Variants in ANKRD11 observed in about 807,000 individuals in gnomAD.
The protein encoded by ANKRD11 is ankyrin repeat domain 11, also known as ankyrin repeat domain-containing protein 11.
In ANKRD11, 17 loss-of-function variants were observed where a neutral mutation model predicts 195.7. The ratio of observed to expected loss-of-function variants is 0.09; its 90% CI spans 0.06 to 0.13. The LOEUF (loss-of-function observed/expected upper bound fraction) is 0.13, where lower values mean the gene tolerates loss of function less well. Ranked by LOEUF, ANKRD11 falls within the 10% of genes least tolerant of loss-of-function variation. The probability of loss-of-function intolerance (pLI) is 1.00; values close to 1 mark genes in which losing one functional copy is unlikely to be tolerated. For missense variants in ANKRD11, 3,735 were observed against 3,566.1 expected, an observed-to-expected ratio of 1.05 and a Z score of -1.21; for synonymous variants, 1,953 against 1,528.1, an observed-to-expected ratio of 1.28 and a Z score of -6.49.
intron 1 of ANKRD11, among the ~76,000 whole-genome samples, chr16:89,423,789 A>G (rs778110877): frequency 1.4e-4 from 22 of 152,246 alleles, no homozygotes; most frequent in Non-Finnish European, 2.5e-4. Flanking sequence ...CAGGCATGAT[A>G]AATCTACGCA....
At chr16:89,270,471 C>T in intron 12 of ANKRD11, 1 of 392,610 alleles carries the variant, frequency 2.5e-6, no homozygotes, top group Non-Finnish European at 4.9e-6. Context: ...ACCGCCCTGG[C>T]CAGCACTTCC....
At chr16:89,408,404 A>C (rs992764879) in intron 2 of ANKRD11, among the ~76,000 whole-genome samples, 112 of 152,370 alleles carry the variant, frequency 7.4e-4, no homozygotes, top group African/African-American at 2.5e-3. Flanking sequence ...TTGCCTGGGC[A>C]GAGGAGGAAG....
intron 1 of ANKRD11, among the ~76,000 whole-genome samples, chr16:89,453,639 G>A (rs966757964): frequency 6.6e-6 from 1 of 152,136 alleles, no homozygotes; most frequent in African/African-American, 2.4e-5. Flanking sequence ...AAAGCACAAA[G>A]CATCTGTTCA....
intron 2 of ANKRD11, among the ~76,000 whole-genome samples, chr16:89,366,338 T>C (rs1322301257): frequency 6.6e-6 from 1 of 152,164 alleles, no homozygotes; most frequent in Admixed American, 6.5e-5. Context: ...CCTCTGGGTA[T>C]ATACCCAGTA....
In ANKRD11 at chr16:89,288,661, G is replaced by A. The variant is rs1464294383; in HGVS notation, c.611C>T (p.Ala204Val). 6.2e-7 allele frequency: 1 copy of A among 1,614,068 alleles called. No homozygotes were observed. The highest frequency in any genetic ancestry group is 1.3e-5 in the African/African-American group (1 of 75,036). ...VNVKDFAGWT[A>V]LHEACNRGYY... ...GCCCCGGTTACAGGCCTCGTGCAGC[G>A]CCGTCCAGCCTGGAAACAGACACTC... The change falls in exon 7 of 13, where the codon GCG becomes GTG. Residue 204 changes from alanine to valine, a missense_variant. By Grantham distance (64) the Ala-to-Val change is moderately conservative (BLOSUM62 0). Transcript: ENST00000301030.
At chr16:89,327,372 G>A (rs976081168) in intron 2 of ANKRD11, among the ~76,000 whole-genome samples, 1 of 152,194 alleles carries the variant, frequency 6.6e-6, no homozygotes, top group Non-Finnish European at 1.5e-5. Context: ...AGAGTGACGT[G>A]CTGAGGGCTG....
intron 2 of ANKRD11, among the ~76,000 whole-genome samples, chr16:89,391,590 C>A (rs951553206): frequency 6.6e-6 from 1 of 152,196 alleles, no homozygotes; most frequent in African/African-American, 2.4e-5. Flanking sequence ...CCTCAGAACC[C>A]CTACTAACTG....
intron 12 of ANKRD11, 97 bp from the exon 13 acceptor site, chr16:89,268,760 C>G (rs560680331): frequency 7.1e-7 from 1 of 1,412,910 alleles, no homozygotes; most frequent in East Asian, 2.5e-5. Context: ...GGGCGTGATA[C>G]GGCCGTGAAC....
chr16:89,323,183 C>T (rs1481256980), intron 2 of ANKRD11: 1 of 607,280 alleles, frequency 1.6e-6, no homozygotes, highest in Non-Finnish European at 2.6e-6. Context: ...GCCTTGTGCA[C>T]ACCTCACAGG....
chr16:89,268,278 G>A lies in ANKRD11; in HGVS notation c.*200C>T, dbSNP rs1436923509. On this transcript the variant is annotated 3_prime_UTR_variant, in exon 13 of 13. Coordinates refer to ENST00000301030, the MANE Select transcript of ANKRD11 (RefSeq NM_013275.6). ...GGGCTTTGCCCCCGCCGCGGCAGCT[G>A]GTAGAGAAGAGACGTGTTTCACCTC... 3.1e-6 allele frequency: 1 copy of A among 326,132 alleles called. No homozygotes were observed. The highest frequency in any genetic ancestry group is 5.4e-6 in the Non-Finnish European group (1 of 185,064). The allele number at this position is 326,132 out of a possible 1,614,324, so 20.2% of individuals were successfully genotyped here.
At chr16:89,398,017 TG>T (rs2041521583) in intron 2 of ANKRD11, among the ~76,000 whole-genome samples, 1 of 152,250 alleles carries the variant, frequency 6.6e-6, no homozygotes, top group African/African-American at 2.4e-5. Flanking sequence ...CCAGTGACAA[TG>T]TAGCACTGTC....
intron 1 of ANKRD11, among the ~76,000 whole-genome samples, chr16:89,461,584 G>A (rs988780171): frequency 9.2e-5 from 14 of 152,032 alleles, no homozygotes; most frequent in African/African-American, 3.1e-4. Flanking sequence ...CACGTTATCT[G>A]CTTCCCTCGG....
chr16:89,343,026 A>C (rs896353708), intron 2 of ANKRD11, among the ~76,000 whole-genome samples: 4 of 152,198 alleles, frequency 2.6e-5, no homozygotes, highest in Non-Finnish European at 4.4e-5. Context: ...AGCGCTTTTT[A>C]AATTTTTATT....
At chr16:89,294,927 G>A (rs72803311) in intron 4 of ANKRD11, among the ~76,000 whole-genome samples, 1 of 152,214 alleles carries the variant, frequency 6.6e-6, no homozygotes, top group Non-Finnish European at 1.5e-5. Context: ...GTAAGAAAAG[G>A]GTGAGAGCAT....
At chr16:89,288,136 G>A in intron 7 of ANKRD11, 1 of 601,470 alleles carries the variant, frequency 1.7e-6, no homozygotes, top group Non-Finnish European at 3.0e-6. Flanking sequence ...CACACCTCTT[G>A]GTGTTACCTC....
At position 89,291,563 on chromosome 16, in the gene ANKRD11, C is replaced by T; in HGVS notation, c.227-380G>A. On this transcript the variant is annotated intron_variant, in intron 4 of 12. Transcript: ENST00000301030. The surrounding 1 kb of genome is among the most constrained non-coding windows in gnomAD (Gnocchi z 5.3). ...ACACAGGACAGGTCTCTGTTCAATA[C>T]ACGTGTCTGTAATTCAATTCCACCT... The T allele has an allele frequency of 1.3e-6, 1 of 795,726 alleles. No homozygotes were observed. The highest frequency in any genetic ancestry group is 1.9e-6 in the Non-Finnish European group (1 of 530,776). The allele number at this position is 795,726 out of a possible 1,614,324, so 49.3% of individuals were successfully genotyped here.
intron 1 of ANKRD11, among the ~76,000 whole-genome samples, chr16:89,452,510 T>C (rs2044123474): frequency 6.6e-6 from 1 of 151,876 alleles, no homozygotes; most frequent in Non-Finnish European, 1.5e-5. Flanking sequence ...TTTTTTTTAA[T>C]CAAGAATGCT....
chr16:89,303,063 C>A (rs147433193), intron 4 of ANKRD11, among the ~76,000 whole-genome samples: 204 of 152,280 alleles, frequency 1.3e-3, no homozygotes, highest in African/African-American at 4.5e-3. Flanking sequence ...GAAACGGCCA[C>A]CACAAAGAGA....
chr16:89,431,893 G>T (rs1453054105), intron 1 of ANKRD11, among the ~76,000 whole-genome samples: 1 of 152,076 alleles, frequency 6.6e-6, no homozygotes, highest in Non-Finnish European at 1.5e-5. Context: ...CCTTGCTGCA[G>T]GGCACCACTG....
Sources: allele counts gnomAD v4.1 joint callset (sites outside exome capture counted in the v4.1 genomes callset), GRCh38; gene constraint gnomAD v4.1.1; non-coding constraint Gnocchi (gnomAD v3.1); transcripts MANE v1.5; gene names NCBI Gene and HGNC (gene_info 2026-07-23, HGNC 2026-07-21).